CCDC171: variants seen among roughly 807,000 people sequenced by gnomAD.
CCDC171 encodes coiled-coil domain containing 171, also known as coiled-coil domain-containing protein 171.
CCDC171 carries 177 observed loss-of-function variants against 168.2 expected under a neutral mutation model. The observed-to-expected ratio is 1.05, with a 90% CI of 0.93 to 1.19. CCDC171 has a LOEUF of 1.19. Among genes scored for constraint, CCDC171 ranks in the 50% most tolerant of loss-of-function variants. The pLI is 0.00. For synonymous variants in CCDC171, 687 were observed against 540.8 expected (o/e 1.27, Z -3.75); for missense variants, 1,991 against 1,539.0 (o/e 1.29, Z -4.91).
chr9:15,806,125 G>C (rs1289550314), intron 21 of CCDC171, among the ~76,000 whole-genome samples: 1 of 151,996 alleles, frequency 6.6e-6, no homozygotes, highest in South Asian at 2.1e-4. Flanking sequence ...GCCTACCTGT[G>C]TCTTTGCATG....
chr9:15,914,576 G>T (rs922857879), intron 24 of CCDC171, among the ~76,000 whole-genome samples: 3 of 152,168 alleles, frequency 2.0e-5, no homozygotes, highest in Non-Finnish European at 4.4e-5. Flanking sequence ...ATCTTAGCTT[G>T]CTGGGTTCCA....
intron 25 of CCDC171, among the ~76,000 whole-genome samples, chr9:15,924,857 T>C (rs1480095889): frequency 6.6e-6 from 1 of 151,558 alleles, no homozygotes. Context: ...CTTTCAATTT[T>C]TATGCAACAT....
intron 24 of CCDC171, among the ~76,000 whole-genome samples, chr9:15,909,903 C>T (rs938691759): frequency 6.6e-6 from 1 of 151,974 alleles, no homozygotes. Context: ...GTGGTGAAGT[C>T]TGCTCTTTTA....
intron 24 of CCDC171, among the ~76,000 whole-genome samples, chr9:15,914,359 C>G (rs1824170483): frequency 1.3e-5 from 2 of 152,180 alleles, no homozygotes; most frequent in African/African-American, 4.8e-5. Context: ...GAGGAGGAGT[C>G]AAGAGAGGCA....
At chr9:15,919,605 A>C (rs1239109356) in intron 24 of CCDC171, among the ~76,000 whole-genome samples, 1 of 151,636 alleles carries the variant, frequency 6.6e-6, no homozygotes, top group Admixed American at 6.6e-5. Context: ...TTTAGAAGAA[A>C]AATTCTATAA....
At chr9:15,588,853 G>T (rs983987141) in intron 4 of CCDC171, among the ~76,000 whole-genome samples, 1 of 151,820 alleles carries the variant, frequency 6.6e-6, no homozygotes, top group African/African-American at 2.4e-5. Context: ...GACTACAGGT[G>T]CCCGCCACCA....
chr9:15,917,260 C>A (rs915585375), intron 24 of CCDC171, among the ~76,000 whole-genome samples: 4 of 151,804 alleles, frequency 2.6e-5, no homozygotes, highest in African/African-American at 9.7e-5. Flanking sequence ...CTCATACCTT[C>A]CAGTTTTGAA....
chr9:16,013,619 CTAACTT>C (rs1028644109), intron 3 of CCDC171, among the ~76,000 whole-genome samples: 9 of 152,196 alleles, frequency 5.9e-5, no homozygotes, highest in African/African-American at 2.2e-4. Flanking sequence ...TTTCTCATCT[CTAACTT>C]TAAGATAAAA....
chr9:15,638,535 A>T (rs776554175), intron 7 of CCDC171, among the ~76,000 whole-genome samples: 72 of 152,212 alleles, frequency 4.7e-4, no homozygotes, highest in Admixed American at 1.8e-3. Context: ...AATATCAGCA[A>T]TATCAAACTA....
Position 15,625,151 on chromosome 9 carries a change from T to G in CCDC171, c.822+1738T>G, listed in dbSNP as rs1452459850. ...GTCTGTTCATATCCTTCGCCCACTT[T>G]TTGATGGGGTTGTTTGATTTTTTCT... is the stretch of plus-strand genomic sequence containing the variant. On this transcript the variant is annotated intron_variant, in intron 7 of 25. Coordinates refer to ENST00000380701, the MANE Select transcript of CCDC171 (RefSeq NM_173550.4). 4.6e-5 allele frequency among the ~76,000 whole-genome samples: 7 copies of G among 152,296 alleles called. No individual in the cohort carries two copies. The East Asian group carries it at 5.8e-4, about 13-fold the overall frequency.
chr9:15,867,465 C>A (rs76718919), intron 23 of CCDC171, among the ~76,000 whole-genome samples: 11 of 151,960 alleles, frequency 7.2e-5, no homozygotes, highest in Admixed American at 3.3e-4. Context: ...ATGTTACTTA[C>A]GGTCTTTGAA....
intron 21 of CCDC171, among the ~76,000 whole-genome samples, chr9:15,842,774 T>G (rs1368156484): frequency 2.0e-5 from 3 of 151,904 alleles, no homozygotes; most frequent in Non-Finnish European, 4.4e-5. Context: ...ATAATAGAAT[T>G]TCAATTTATT....
At chr9:15,992,578 T>TG (rs1176042296) in intron 3 of CCDC171, among the ~76,000 whole-genome samples, 2 of 152,320 alleles carry the variant, frequency 1.3e-5, no homozygotes, top group East Asian at 3.9e-4. Flanking sequence ...AACATGCTGT[T>TG]GGAAGTTCTG....
chr9:15,954,146 A>AATTT (rs1829516280), intron 25 of CCDC171, among the ~76,000 whole-genome samples: 1 of 129,292 alleles, frequency 7.7e-6, no homozygotes, highest in African/African-American at 2.6e-5. Flanking sequence ...TCCTCTACTT[A>AATTT]CTTTCTTTTT....
rs547960468 is a variant in CCDC171 at position 15,663,947 on chromosome 9, C to T, written c.916-2216C>T. Among the ~76,000 whole-genome samples the T allele has an allele frequency of 4.6e-5, 7 of 152,198 alleles. No homozygotes were observed. In the South Asian group the frequency reaches 1.5e-3, roughly 32 times the overall value. On this transcript the variant is annotated intron_variant, in intron 8 of 25. Coordinates refer to ENST00000380701, the MANE Select transcript of CCDC171 (RefSeq NM_173550.4). ...GTAGTTGTTTTGAAAAAAGAATAAACTCATGTATTTTACAGCAACATGGAT... is the reference window on the plus strand; with the variant it reads ...GTAGTTGTTTTGAAAAAAGAATAAATTCATGTATTTTACAGCAACATGGAT...
At chr9:15,690,182 A>T (rs1225936330) in intron 10 of CCDC171, among the ~76,000 whole-genome samples, 1 of 152,178 alleles carries the variant, frequency 6.6e-6, no homozygotes, top group Non-Finnish European at 1.5e-5. Flanking sequence ...CACTGTTCTA[A>T]ATCTAGATTG....
In CCDC171 at chr9:15,823,935, C is replaced by G. The variant is rs569041483; in HGVS notation, c.3268-22767C>G. Among the ~76,000 whole-genome samples the G allele has an allele frequency of 9.9e-5, 15 of 152,056 alleles. No individual in the cohort carries two copies. The South Asian group carries it at 2.9e-3, about 29-fold the overall frequency. On this transcript the variant is annotated intron_variant, in intron 21 of 25. Transcript: ENST00000380701. The stretch of plus-strand genomic sequence containing the variant: ...AAGTTTTAGAATAGACATTGGTAGA[C>G]TTGAAAATATGCATTCTTGTTTCTT...
At position 15,689,500 on chromosome 9, in the gene CCDC171, C is replaced by T. The variant is rs141658235; in HGVS notation, c.1216-5735C>T. ...CCGAGGCGGGCAGATCACTTGAGGT[C>T]TGGAGTTCGAGACCAGCCTGGCCAA... On this transcript the variant is annotated intron_variant, in intron 10 of 25. Transcript: ENST00000380701. Among the ~76,000 whole-genome samples, 148 of 152,284 alleles carry T rather than the reference C, an allele frequency of 9.7e-4. 2 individuals carry two copies. The South Asian group carries it at 0.015, about 15-fold the overall frequency.
Position 15,677,925 on chromosome 9 carries a change from T to TATATATATATAAA in CCDC171, c.1077-832_1077-831insTATATATATAAAA, listed in dbSNP as rs59883669. On this transcript the variant is annotated intron_variant, in intron 9 of 25. Transcript: ENST00000380701. ...ATATATATATATATATATATATATATAAGAGATGTGGTCTCATTCTGTTAC... is the reference window on the plus strand; with the variant it reads ...ATATATATATATATATATATATATATATATATATATAAAAAGAGATGTGGTCTCATTCTGTTAC... Among the ~76,000 whole-genome samples, 18 of 41,860 alleles carry TATATATATATAAA rather than the reference T, an allele frequency of 4.3e-4. 3 individuals carry two copies. Among genetic ancestry groups the TATATATATATAAA allele is most frequent in the African/African-American group, 1.8e-3 (18 of 9,950 alleles). The allele number at this position is 41,860 out of a possible 152,430, so 27.5% of individuals were successfully genotyped here. A position where few individuals can be genotyped will look rare whatever the true frequency, so the allele number is the denominator to read the frequency against.
Sources: allele counts gnomAD v4.1 joint callset (sites outside exome capture counted in the v4.1 genomes callset), GRCh38; gene constraint gnomAD v4.1.1; transcripts MANE v1.5; gene names NCBI Gene and HGNC (gene_info 2026-07-23, HGNC 2026-07-21).